NRN1: variants seen among roughly 807,000 people sequenced by gnomAD.
The protein encoded by NRN1 is neuritin 1.
Under a neutral mutation model 15.0 loss-of-function variants are expected in NRN1, and 4 were observed. The ratio of observed to expected loss-of-function variants is 0.27; its 90% confidence interval spans 0.13 to 0.61. NRN1 has a LOEUF of 0.61. Among genes scored for constraint, NRN1 ranks in the 20% least tolerant of loss-of-function variants. The probability of loss-of-function intolerance (pLI) is 0.87; values close to 1 mark genes in which losing one functional copy is unlikely to be tolerated. For synonymous variants in NRN1, 85 were observed against 79.8 expected, an observed-to-expected ratio of 1.07 and a Z score of -0.35; for missense variants, 134 against 181.9, an observed-to-expected ratio of 0.74 and a Z score of 1.51.
rs1758123118 is a variant in NRN1 at position 6,006,846 on chromosome 6, C to A, written c.-97G>T. The A allele has an allele frequency of 9.5e-7, 1 of 1,056,590 alleles. No homozygotes were observed. Among genetic ancestry groups the A allele is most frequent in the African/African-American group, 1.6e-5 (1 of 64,020 alleles). 65.5% of individuals were successfully genotyped at this position (1,056,590 alleles called of 1,614,324 possible). On this transcript the variant is annotated 5_prime_UTR_variant, in exon 1 of 3. Coordinates refer to ENST00000244766, the MANE Select transcript of NRN1 (RefSeq NM_016588.3). Reference sequence around the variant, plus strand: ...AAAAAATAGGCATTGCCAACAAGTTCCGGGAGCGACAGAGACTTTATGCAC... The same window carrying A: ...AAAAAATAGGCATTGCCAACAAGTTACGGGAGCGACAGAGACTTTATGCAC...
intron 2 of NRN1, among the ~76,000 whole-genome samples, chr6:6,000,883 G>A (rs1757927716): frequency 6.6e-6 from 1 of 151,956 alleles, no homozygotes; most frequent in Non-Finnish European, 1.5e-5. Context: ...CCTGGACCTA[G>A]CCGTGGCCTG....
chr6:6,003,979 C>T, intron 1 of NRN1: 1 of 1,220,396 alleles, frequency 8.2e-7, no homozygotes, highest in Non-Finnish European at 1.0e-6. Flanking sequence ...TCCCCCGGCC[C>T]CCAACGCGGG....
chr6:6,006,577 A>G, intron 1 of NRN1, 118 bp downstream of exon 1: 1 of 884,216 alleles, frequency 1.1e-6, no homozygotes. Flanking sequence ...CCCTCGGGGG[A>G]TTGCCGGCTT....
intron 2 of NRN1, 61 bp from the exon 3 acceptor site, chr6:5,999,265 G>C (rs1757864120): frequency 1.4e-6 from 2 of 1,465,878 alleles, no homozygotes; most frequent in East Asian, 4.6e-5. Flanking sequence ...GGAACACCCC[G>C]GGCTTGCGCC....
intron 1 of NRN1, chr6:6,003,278 A>G (rs996822354): frequency 1.6e-5 from 20 of 1,233,866 alleles, no homozygotes; most frequent in African/African-American, 6.2e-5. Context: ...AGTGGTCTGG[A>G]GAGGAGAAGG....
At chr6:6,006,666 G>T (rs1317363867) in intron 1 of NRN1, 29 bp downstream of exon 1, 2 of 1,611,840 alleles carry the variant, frequency 1.2e-6, no homozygotes, top group African/African-American at 2.7e-5. Flanking sequence ...CCCGCCTCCA[G>T]CCTCCAGCCG....
At chr6:6,003,633 G>A (rs1758027616) in intron 1 of NRN1, 2 of 1,058,144 alleles carry the variant, frequency 1.9e-6, no homozygotes, top group African/African-American at 1.6e-5. Flanking sequence ...GAAGGTCCAA[G>A]CCCCAAGCCC....
intron 2 of NRN1, 132 bp downstream of exon 2, chr6:6,002,221 C>G: frequency 8.3e-7 from 1 of 1,207,792 alleles, no homozygotes; most frequent in Non-Finnish European, 1.2e-6. Context: ...GGGTTGGAGC[C>G]AGAAGGCAAG....
intron 2 of NRN1, among the ~76,000 whole-genome samples, chr6:6,002,103 G>A (rs901332884): frequency 3.9e-5 from 6 of 152,260 alleles, no homozygotes; most frequent in Non-Finnish European, 7.3e-5. Flanking sequence ...GCCGCGTAGA[G>A]CTGGGACTGG....
In NRN1 at chr6:6,000,748, T is replaced by TTTTTTTTTTTTTTTTTTTTTA. The variant is rs1554145373; in HGVS notation, c.201-1545_201-1544insTAAAAAAAAAAAAAAAAAAAA. 2.0e-4 allele frequency among the ~76,000 whole-genome samples: 20 copies of TTTTTTTTTTTTTTTTTTTTTA among 99,130 alleles called. 6 individuals carry two copies. The highest frequency in any genetic ancestry group is 3.6e-4 in the Non-Finnish European group (18 of 50,018). The allele number at this position is 99,130 out of a possible 152,430, so 65.0% of individuals were successfully genotyped here. On this transcript the variant is annotated intron_variant, in intron 2 of 2. Coordinates refer to ENST00000244766, the MANE Select transcript of NRN1 (RefSeq NM_016588.3). ...TTTTTTTTTTTTTTTTTTTTTTTTT[T>TTTTTTTTTTTTTTTTTTTTTA]ATGTACGCCCAGATGAGGGCAGAGT...
At chr6:6,006,385 C>T (rs1758109827) in intron 1 of NRN1, among the ~76,000 whole-genome samples, 1 of 152,148 alleles carries the variant, frequency 6.6e-6, no homozygotes, top group Non-Finnish European at 1.5e-5. Context: ...CCCCAGAGCG[C>T]ACCAAACCTG....
intron 1 of NRN1, 197 bp from the exon 2 acceptor site, chr6:6,002,694 C>G: frequency 1.5e-6 from 1 of 679,110 alleles, no homozygotes. Context: ...GCTAACGCTG[C>G]GTCTAGTGCA....
chr6:6,001,695 C>A (rs1270237457), intron 2 of NRN1, among the ~76,000 whole-genome samples: 1 of 152,214 alleles, frequency 6.6e-6, no homozygotes, highest in Non-Finnish European at 1.5e-5. Context: ...GGACCACCAC[C>A]TGGACTCACT....
Position 5,998,109 on chromosome 6 carries a change from T to G in NRN1, c.*867A>C, listed in dbSNP as rs1158033135. ...AAATTACATCTCTCTCTCTTTTTTT[T>G]TTAAAATCAAGGCTCTTTTATGTCA... On this transcript the variant is annotated 3_prime_UTR_variant, in exon 3 of 3. Transcript: ENST00000244766. 1.3e-5 allele frequency: 2 copies of G among 152,260 alleles called. No individual in the cohort carries two copies. Among genetic ancestry groups the G allele is most frequent in the Admixed American group, 6.5e-5 (1 of 15,292 alleles). The allele number at this position is 152,260 out of a possible 1,614,324, so 9.4% of individuals were successfully genotyped here. A position where few individuals can be genotyped will look rare whatever the true frequency, so the allele number is the denominator to read the frequency against.
chr6:6,006,560 GC>G, intron 1 of NRN1, 134 bp downstream of exon 1: 2 of 752,368 alleles, frequency 2.7e-6, no homozygotes, highest in Non-Finnish European at 2.3e-6. Context: ...AGGAACTGAT[GC>G]CCCCACCCTC....
chr6:5,999,256 G>T (rs757223487), intron 2 of NRN1, 52 bp from the exon 3 acceptor site: 37 of 1,507,316 alleles, frequency 2.5e-5, no homozygotes, highest in Middle Eastern at 3.6e-4. Flanking sequence ...GGGACGCCGG[G>T]AACACCCCGG....
rs981339684 is a variant in NRN1 at position 6,003,485 on chromosome 6, G to T, written c.56-988C>A. On this transcript the variant is annotated intron_variant, in intron 1 of 2. Coordinates refer to ENST00000244766, the MANE Select transcript of NRN1 (RefSeq NM_016588.3). ...GCGGGGAGAGGCTGTTCTTCTCCAG[G>T]TGCCAGCCCTGCTGCTGAAAGTGAG... 2.0e-5 allele frequency among the ~76,000 whole-genome samples: 3 copies of T among 152,226 alleles called. No individual in the cohort carries two copies. The South Asian group carries it at 6.2e-4, about 32-fold the overall frequency.
At position 5,998,955 on chromosome 6, in the gene NRN1, C is replaced by T. The variant is rs1000007703; in HGVS notation, c.*21G>A. On this transcript the variant is annotated 3_prime_UTR_variant, in exon 3 of 3. Transcript: ENST00000244766. Reference sequence around the variant, plus strand: ...CATGGAGTGAGTGTGGGTGGGCGCGCGGGGGGAGCTGGCCCCACGCTCAGA... The same window carrying T: ...CATGGAGTGAGTGTGGGTGGGCGCGTGGGGGGAGCTGGCCCCACGCTCAGA... 6.3e-7 allele frequency: 1 copy of T among 1,577,736 alleles called. No individual in the cohort carries two copies. The highest frequency in any genetic ancestry group is 1.3e-5 in the African/African-American group (1 of 74,420).
At chr6:6,003,684 G>C (rs1208558708) in intron 1 of NRN1, 1 of 1,233,266 alleles carries the variant, frequency 8.1e-7, no homozygotes, top group Non-Finnish European at 1.0e-6. Context: ...CCGAGGCGCG[G>C]GACTGGAAGG....
Sources: gnomAD v4.1 joint callset for allele counts (sites outside exome capture counted in the v4.1 genomes callset) on GRCh38, gnomAD v4.1.1 for gene constraint, MANE v1.5 for transcripts, NCBI Gene and HGNC (gene_info 2026-07-23, HGNC 2026-07-21) for gene names.